The following SLC9C2 variants were observed in gnomAD, a reference collection of about 807,000 sequenced individuals.
SLC9C2 encodes solute carrier family 9 member C2 (putative), also known as sodium/hydrogen exchanger 11.
Under a neutral mutation model 140.2 loss-of-function variants are expected in SLC9C2, and 75 were observed. The ratio of observed to expected loss-of-function variants is 0.53; its 90% CI spans 0.44 to 0.65. The LOEUF (loss-of-function observed/expected upper bound fraction) is 0.65, where lower values mean the gene tolerates loss of function less well. SLC9C2 is among the 30% of genes least tolerant of loss of function. The pLI, the probability that SLC9C2 is intolerant of heterozygous loss-of-function variation, is 0.00. For synonymous variants in SLC9C2, 375 were observed against 420.9 expected (o/e 0.89, Z 1.34); for missense variants, 1,074 against 1,331.8 (o/e 0.81, Z 3.01).
intron 4 of SLC9C2, among the ~76,000 whole-genome samples, chr1:173,594,154 C>G (rs1666321820): frequency 6.6e-6 from 1 of 152,004 alleles, no homozygotes; most frequent in Non-Finnish European, 1.5e-5. Context: ...GAAACAAAGA[C>G]CACTAAATGA....
intron 3 of SLC9C2, 144 bp downstream of exon 3, chr1:173,599,973 T>A (rs1666690057): frequency 1.9e-6 from 1 of 523,084 alleles, no homozygotes; most frequent in African/African-American, 1.9e-5. Flanking sequence ...GTGGTTATTT[T>A]CCAAATTTTT....
chr1:173,502,720 T>C (rs1255939151), intron 27 of SLC9C2, among the ~76,000 whole-genome samples: 1 of 152,234 alleles, frequency 6.6e-6, no homozygotes, highest in Non-Finnish European at 1.5e-5. Context: ...TGTTTTATCT[T>C]AAAAATTCAT....
rs762383818 is a variant in SLC9C2 at position 173,507,001 on chromosome 1, T to C, written c.3080A>G (p.Tyr1027Cys). The C allele has an allele frequency of 6.2e-7, 1 of 1,606,922 alleles. No individual in the cohort carries two copies. The highest frequency in any genetic ancestry group is 8.5e-7 in the Non-Finnish European group (1 of 1,177,928). Residue 1027 changes from tyrosine (Y) to cysteine (C), a missense_variant, in exon 25 of 28, where the codon TAT (tyrosine) becomes TGT (cysteine). Coordinates refer to ENST00000367714, the MANE Select transcript of SLC9C2 (RefSeq NM_178527.4). ...ACTATAGCTTGATAAAGTTTCCACATATGCTTGATTGAACATCACACAGTT... is the reference window on the plus strand; with the variant it reads ...ACTATAGCTTGATAAAGTTTCCACACATGCTTGATTGAACATCACACAGTT... Reference protein sequence around the residue: ...FQNCVMFNQAYVETLSSYSDM... With the variant: ...FQNCVMFNQACVETLSSYSDM...
chr1:173,594,279 C>T (rs12090597), intron 4 of SLC9C2, among the ~76,000 whole-genome samples: 61,967 of 151,956 alleles, frequency 0.41, 16,475 homozygotes, highest in African/African-American at 0.75. Flanking sequence ...CAGCAATATA[C>T]TATATAGTTT....
chr1:173,564,506 G>A (rs1280498509), intron 9 of SLC9C2, among the ~76,000 whole-genome samples: 1 of 152,118 alleles, frequency 6.6e-6, no homozygotes, highest in Non-Finnish European at 1.5e-5. Flanking sequence ...GTCTTCTTTA[G>A]AGAAGTGTCT....
intron 13 of SLC9C2, among the ~76,000 whole-genome samples, chr1:173,542,901 C>T (rs983684031): frequency 6.6e-6 from 1 of 152,188 alleles, no homozygotes; most frequent in Non-Finnish European, 1.5e-5. Flanking sequence ...ACAGCAGTAT[C>T]ATACTCAATG....
chr1:173,585,330 TG>T (rs1284386892), intron 5 of SLC9C2, among the ~76,000 whole-genome samples: 2 of 152,192 alleles, frequency 1.3e-5, no homozygotes, highest in African/African-American at 4.8e-5. Context: ...TTATAGAAAT[TG>T]TAGTTCTGTA....
intron 18 of SLC9C2, among the ~76,000 whole-genome samples, chr1:173,529,133 A>G (rs895292117): frequency 3.3e-5 from 5 of 152,236 alleles, no homozygotes; most frequent in Admixed American, 2.0e-4. Flanking sequence ...AAAGAACACA[A>G]CTAGAAATTT....
chr1:173,523,303 C>T (rs112624995), intron 21 of SLC9C2, among the ~76,000 whole-genome samples: 3,066 of 151,010 alleles, frequency 0.02, 99 homozygotes, highest in African/African-American at 0.069. Context: ...ACCCGGGAGG[C>T]GGAGGTTGCA....
At chr1:173,597,187 C>T (rs1666498213) in intron 4 of SLC9C2, among the ~76,000 whole-genome samples, 1 of 151,680 alleles carries the variant, frequency 6.6e-6, no homozygotes, top group Admixed American at 6.6e-5. Flanking sequence ...ACATATAAAA[C>T]ATGTTCTCTG....
At chr1:173,579,031 A>G (rs1342621664) in intron 7 of SLC9C2, among the ~76,000 whole-genome samples, 1 of 152,234 alleles carries the variant, frequency 6.6e-6, no homozygotes, top group Non-Finnish European at 1.5e-5. Context: ...TTGAAGCTAC[A>G]AAGAATTGTT....
intron 9 of SLC9C2, among the ~76,000 whole-genome samples, chr1:173,562,983 T>C (rs1361686138): frequency 6.6e-6 from 1 of 151,384 alleles, no homozygotes; most frequent in Non-Finnish European, 1.5e-5. Context: ...TGAGAAAGAG[T>C]GTGGGAGAGC....
intron 9 of SLC9C2, among the ~76,000 whole-genome samples, chr1:173,567,026 G>C (rs1236207524): frequency 6.6e-6 from 1 of 151,558 alleles, no homozygotes; most frequent in African/African-American, 2.4e-5. Context: ...TTTTATTCTG[G>C]AAAATGCTTG....
Position 173,552,839 on chromosome 1 carries a change from T to C in SLC9C2, c.1297+1894A>G, listed in dbSNP as rs1365708687. On this transcript the variant is annotated intron_variant, in intron 11 of 27. Transcript: ENST00000367714. ...GCAGCCCAAGTATCAAGGAGTCATT[T>C]TGACTTTCAAGCCTTATTATTTAAT... is the stretch of plus-strand genomic sequence containing the variant. Among the ~76,000 whole-genome samples, 3 of 152,352 alleles carry C rather than the reference T, an allele frequency of 2.0e-5. No homozygotes were observed. In the East Asian group the frequency reaches 5.8e-4, roughly 29 times the overall value.
intron 13 of SLC9C2, among the ~76,000 whole-genome samples, chr1:173,542,874 C>T (rs1662539120): frequency 6.6e-6 from 1 of 152,120 alleles, no homozygotes; most frequent in African/African-American, 2.4e-5. Flanking sequence ...ATAATAAAAG[C>T]TATTCATGAC....
Position 173,601,911 on chromosome 1 carries a change from A to T in SLC9C2, c.-79-56T>A, listed in dbSNP as rs1454114204. Reference sequence around the variant, plus strand: ...TACCAAGATCCAATTCATCCATACCATTTCTACCTAAGATTGTGCCACACT... The same window carrying T: ...TACCAAGATCCAATTCATCCATACCTTTTCTACCTAAGATTGTGCCACACT... On this transcript the variant is annotated intron_variant, in intron 1 of 27. Transcript: ENST00000367714. 8.4e-6 allele frequency: 9 copies of T among 1,069,452 alleles called. No individual in the cohort carries two copies. In the East Asian group the frequency reaches 1.7e-4, roughly 20 times the overall value. The allele number at this position is 1,069,452 out of a possible 1,614,324, so 66.2% of individuals were successfully genotyped here.
chr1:173,508,533 A>G (rs1395320220), intron 24 of SLC9C2, among the ~76,000 whole-genome samples: 2 of 152,178 alleles, frequency 1.3e-5, no homozygotes, highest in Non-Finnish European at 2.9e-5. Flanking sequence ...ATGCAAGGTA[A>G]AAGGAAAAGA....
intron 23 of SLC9C2, among the ~76,000 whole-genome samples, chr1:173,512,342 T>A (rs1305640807): frequency 6.6e-6 from 1 of 152,204 alleles, no homozygotes; most frequent in Non-Finnish European, 1.5e-5. Flanking sequence ...GAGTGGCTTG[T>A]AGTTCTCCTT....
intron 13 of SLC9C2, among the ~76,000 whole-genome samples, chr1:173,543,435 C>T (rs1437957290): frequency 4.6e-5 from 7 of 152,052 alleles, no homozygotes; most frequent in South Asian, 2.1e-4. Context: ...CTGCCCAAGG[C>T]AATTTATAGA....
Sources: allele counts gnomAD v4.1 joint callset (sites outside exome capture counted in the v4.1 genomes callset), GRCh38; gene constraint gnomAD v4.1.1; transcripts MANE v1.5; gene names NCBI Gene and HGNC (gene_info 2026-07-23, HGNC 2026-07-21).